Variants in RXRA observed in about 807,000 individuals in gnomAD.
The protein encoded by RXRA is retinoic acid receptor RXR-alpha.
In RXRA, 5 loss-of-function variants were observed where a neutral mutation model predicts 44.5. The ratio of observed to expected loss-of-function variants is 0.11; its 90% confidence interval spans 0.06 to 0.24. The LOEUF is 0.24. RXRA is among the 10% of genes least tolerant of loss of function. The pLI is 1.00. For synonymous variants in RXRA, 291 were observed against 271.4 expected, an observed-to-expected ratio of 1.07 and a Z score of -0.71; for missense variants, 412 against 646.5, an observed-to-expected ratio of 0.64 and a Z score of 3.93.
chr9:134,431,993 C>T lies in RXRA; in HGVS notation c.1132C>T (p.Pro378Ser). The T allele has an allele frequency of 1.2e-6, 2 of 1,612,046 alleles. No individual in the cohort carries two copies. The highest frequency in any genetic ancestry group is 1.7e-6 in the Non-Finnish European group (2 of 1,178,296). The change falls in exon 8 of 10, where the codon CCT (proline) becomes TCT (serine). Residue 378 changes from proline to serine, a missense_variant. Pro to Ser is a moderately conservative substitution (Grantham distance 74, BLOSUM62 -1). Coordinates refer to ENST00000481739, the MANE Select transcript of RXRA (RefSeq NM_002957.6). The part of the protein sequence containing the change: ...GCLRAIVLFN[P>S]DSKGLSNPAE... ...CCTGCGCGCCATCGTCCTCTTTAAC[C>T]CTGGTATGGCCTTCCTGCCTTGAGG...
chr9:134,374,806 C>G lies in RXRA; in HGVS notation c.29-26826C>G, dbSNP rs148756128. Among the ~76,000 whole-genome samples, 49 of 152,350 alleles carry G rather than the reference C, an allele frequency of 3.2e-4. 1 individual carries two copies. The East Asian group carries it at 9.1e-3, about 28-fold the overall frequency. ...GGGGAAGCACAGCTTGGCAGTGCCT[C>G]GTGTTACTGCTTGGGTCTCCTTGGA... is the stretch of plus-strand genomic sequence containing the variant. On this transcript the variant is annotated intron_variant, in intron 1 of 9. Transcript: ENST00000481739.
Position 134,426,438 on chromosome 9 carries a change from C to T in RXRA, c.911-2670C>T. 1 of 985,402 alleles carries T rather than the reference C, an allele frequency of 1.0e-6. No homozygotes were observed. Among genetic ancestry groups the T allele is most frequent in the Non-Finnish European group, 1.2e-6 (1 of 829,906 alleles). 61.0% of individuals were successfully genotyped at this position (985,402 alleles called of 1,614,324 possible). A position where few individuals can be genotyped will look rare whatever the true frequency, so the allele number is the denominator to read the frequency against. ...GTGTGGGGCAGGAGAGGAGAAATAACCGAGTGAGGACATCGGGGTGGAGGG... is the reference window on the plus strand; with the variant it reads ...GTGTGGGGCAGGAGAGGAGAAATAATCGAGTGAGGACATCGGGGTGGAGGG... On this transcript the variant is annotated intron_variant, in intron 6 of 9. Coordinates refer to ENST00000481739, the MANE Select transcript of RXRA (RefSeq NM_002957.6). This position sits in a 1 kb window ranked among gnomAD's most constrained non-coding sequence, Gnocchi z 4.6.
At position 134,407,712 on chromosome 9, in the gene RXRA, C is replaced by T. The variant is rs879668643; in HGVS notation, c.280-437C>T. Among the ~76,000 whole-genome samples the T allele has an allele frequency of 8.5e-5, 13 of 152,058 alleles. No individual in the cohort carries two copies. The highest frequency in any genetic ancestry group is 4.1e-4 in the South Asian group (2 of 4,826). On this transcript the variant is annotated intron_variant, in intron 2 of 9. Transcript: ENST00000481739. This position sits in a 1 kb window ranked among gnomAD's most constrained non-coding sequence, Gnocchi z 4.8. ...CTCCTCCGTCCTGGGAACTGGGCTT[C>T]GGCGTCCTCATGTGTGGGTTGGGAC...
At chr9:134,338,709 G>A (rs1205313973) in intron 1 of RXRA, among the ~76,000 whole-genome samples, 1 of 152,224 alleles carries the variant, frequency 6.6e-6, no homozygotes, top group Non-Finnish European at 1.5e-5. Flanking sequence ...GGAGGGGGCA[G>A]CTGGTGCCCC....
At chr9:134,360,907 T>C (rs1445932824) in intron 1 of RXRA, among the ~76,000 whole-genome samples, 1 of 152,226 alleles carries the variant, frequency 6.6e-6, no homozygotes, top group Non-Finnish European at 1.5e-5. Context: ...CTGAGCCCGA[T>C]GCAGGGCGAG....
chr9:134,434,278 G>C (rs1014465227), intron 9 of RXRA, 71 bp downstream of exon 9: 22 of 1,155,404 alleles, frequency 1.9e-5, no homozygotes, highest in Non-Finnish European at 2.7e-5. Context: ...CCCCCTGCAA[G>C]GCCATTTTAT....
At chr9:134,404,139 C>T (rs760214630) in intron 2 of RXRA, 7 of 152,234 alleles carry the variant, frequency 4.6e-5, no homozygotes, top group Admixed American at 6.5e-5. Flanking sequence ...AAACCACAAC[C>T]GCAAAGTCAG....
chr9:134,375,846 G>A (rs934658690), intron 1 of RXRA, among the ~76,000 whole-genome samples: 2 of 152,000 alleles, frequency 1.3e-5, no homozygotes, highest in Non-Finnish European at 2.9e-5. Context: ...CTGAGATTCT[G>A]TAAAACACTC....
intron 6 of RXRA, chr9:134,422,604 C>A (rs1401544575): frequency 1.1e-4 from 93 of 877,940 alleles, no homozygotes; most frequent in Non-Finnish European, 1.2e-4. Flanking sequence ...TCCCCGCTCC[C>A]AGGACGCTCC....
chr9:134,416,272 C>T (rs1831232831), intron 4 of RXRA, among the ~76,000 whole-genome samples: 1 of 152,184 alleles, frequency 6.6e-6, no homozygotes, highest in East Asian at 1.9e-4. Context: ...CGGGAGGAGC[C>T]TCATGCGCCT....
At chr9:134,377,080 G>C (rs1476948628) in intron 1 of RXRA, among the ~76,000 whole-genome samples, 1 of 152,226 alleles carries the variant, frequency 6.6e-6, no homozygotes, top group Non-Finnish European at 1.5e-5. Flanking sequence ...GTGAGGGGCT[G>C]GCACTGGGAA....
chr9:134,439,272 G>T lies in RXRA; in HGVS notation c.*2658G>T, dbSNP rs533792517. On this transcript the variant is annotated 3_prime_UTR_variant, in exon 10 of 10. Transcript: ENST00000481739. ...TTCCCCGCAGGGCCCCCACTTCCCA[G>T]TGGCTGCTTCCTGGGGACCCAGGGC... 10 of 152,366 alleles carry T rather than the reference G, an allele frequency of 6.6e-5. No homozygotes were observed. The East Asian group carries it at 1.9e-3, about 29-fold the overall frequency. The allele number at this position is 152,366 out of a possible 1,614,324, so 9.4% of individuals were successfully genotyped here.
intron 1 of RXRA, among the ~76,000 whole-genome samples, chr9:134,378,364 T>C (rs952975281): frequency 1.3e-5 from 2 of 152,182 alleles, no homozygotes; most frequent in Admixed American, 1.3e-4. Flanking sequence ...AGCGCCTGTG[T>C]GCGGGGTCCT....
intron 1 of RXRA, chr9:134,372,172 C>A (rs56239054): frequency 0.27 from 40,932 of 152,112 alleles, 5,694 homozygotes; most frequent in African/African-American, 0.33. Flanking sequence ...GTTTGAAGCC[C>A]GGCCATCCAG....
At position 134,426,265 on chromosome 9, in the gene RXRA, G is replaced by A. The variant is rs1831432955; in HGVS notation, c.911-2843G>A. 3 of 985,314 alleles carry A rather than the reference G, an allele frequency of 3.0e-6. No homozygotes were observed. The highest frequency in any genetic ancestry group is 6.1e-5 in the Admixed American group (1 of 16,264). The allele number at this position is 985,314 out of a possible 1,614,324, so 61.0% of individuals were successfully genotyped here. ...AGCCGTTTAAAGCTGTGTCCGTGCC[G>A]GGCCCCCACATCACAGGGCCAGGAG... On this transcript the variant is annotated intron_variant, in intron 6 of 9. Transcript: ENST00000481739. The surrounding 1 kb of genome is among the most constrained non-coding windows in gnomAD (Gnocchi z 4.6).
chr9:134,411,170 C>T (rs1010930971), intron 4 of RXRA, among the ~76,000 whole-genome samples: 4 of 152,178 alleles, frequency 2.6e-5, no homozygotes, highest in East Asian at 3.9e-4. Flanking sequence ...TTCTGAGCCC[C>T]GTCCCGGACC....
chr9:134,338,682 G>A (rs1022018607), intron 1 of RXRA, among the ~76,000 whole-genome samples: 21 of 152,360 alleles, frequency 1.4e-4, no homozygotes, highest in Non-Finnish European at 2.8e-4. Flanking sequence ...TGGCTGATAA[G>A]CTGTGAACTC....
chr9:134,351,459 C>T (rs909182588), intron 1 of RXRA, among the ~76,000 whole-genome samples: 1 of 152,216 alleles, frequency 6.6e-6, no homozygotes, highest in Non-Finnish European at 1.5e-5. Context: ...GACCCCAGCA[C>T]CCTAAACTCT....
At position 134,433,973 on chromosome 9, in the gene RXRA, C is replaced by T. The variant is rs149784010; in HGVS notation, c.1136-129C>T. 5.1e-3 allele frequency: 3,308 copies of T among 648,306 alleles called. 27 individuals are homozygous for T. The highest frequency in any genetic ancestry group is 7.5e-3 in the Admixed American group (277 of 37,158). The allele number at this position is 648,306 out of a possible 1,614,324, so 40.2% of individuals were successfully genotyped here. A position where few individuals can be genotyped will look rare whatever the true frequency, so the allele number is the denominator to read the frequency against. On this transcript the variant is annotated intron_variant, in intron 8 of 9. Transcript: ENST00000481739. The surrounding 1 kb of genome is among the most constrained non-coding windows in gnomAD (Gnocchi z 4.2). ...GAGCGGGCGGAGGCATGTCCAGCGG[C>T]ATTCCTCCACCACCTGCTCTGCCCA...
Sources: gnomAD v4.1 joint callset for allele counts (sites outside exome capture counted in the v4.1 genomes callset) on GRCh38, gnomAD v4.1.1 for gene constraint, Gnocchi (gnomAD v3.1) non-coding constraint, MANE v1.5 for transcripts, NCBI Gene and HGNC (gene_info 2026-07-23, HGNC 2026-07-21) for gene names.